PDSS1: variants seen among roughly 807,000 people sequenced by gnomAD.
The protein encoded by PDSS1 is decaprenyl diphosphate synthase subunit 1.
A neutral mutation model predicts 57.5 loss-of-function variants in PDSS1; 43 were observed. That is an observed-to-expected ratio of 0.75 (90% CI 0.59 to 0.96). The LOEUF (loss-of-function observed/expected upper bound fraction) is 0.96. PDSS1 is among the 50% of genes least tolerant of loss of function. The probability of loss-of-function intolerance (pLI) is 0.00; values close to 1 mark genes in which losing one functional copy is unlikely to be tolerated. For missense variants in PDSS1, 438 were observed against 527.8 expected, an observed-to-expected ratio of 0.83 and a Z score of 1.67; for synonymous variants, 175 against 191.3, an observed-to-expected ratio of 0.91 and a Z score of 0.70.
intron 5 of PDSS1, among the ~76,000 whole-genome samples, chr10:26,719,757 C>T (rs1835721059): frequency 6.6e-6 from 1 of 152,138 alleles, no homozygotes; most frequent in Admixed American, 6.6e-5. Flanking sequence ...CAGAGCGAGA[C>T]CCTGTCTCAA....
At chr10:26,746,288 C>T in intron 11 of PDSS1, 45 bp from the exon 12 acceptor site, 1 of 1,604,210 alleles carries the variant, frequency 6.2e-7, no homozygotes. Context: ...AACGCTGATT[C>T]AGTCAGTGAC....
intron 2 of PDSS1, among the ~76,000 whole-genome samples, chr10:26,703,307 A>G (rs1034073847): frequency 3.3e-5 from 5 of 151,222 alleles, no homozygotes; most frequent in Non-Finnish European, 7.4e-5. Flanking sequence ...CTGAATAACT[A>G]AAAAGTTATT....
chr10:26,735,487 T>C lies in PDSS1; in HGVS notation c.934T>C (p.Phe312Leu), dbSNP rs1280077774. 1.9e-6 allele frequency: 3 copies of C among 1,612,562 alleles called. No individual in the cohort carries two copies. The highest frequency in any genetic ancestry group is 2.5e-6 in the Non-Finnish European group (3 of 1,178,656). Residue 312 changes from phenylalanine (F) to leucine (L), a missense_variant, in exon 10 of 12, where the codon TTC becomes CTC. By Grantham distance (22) the Phe-to-Leu change is conservative. Coordinates refer to ENST00000376215, the MANE Select transcript of PDSS1 (RefSeq NM_014317.5). The stretch of plus-strand genomic sequence containing the variant: ...CCAGCTAATAGATGATGTATTGGAC[T>C]TCACCTCGTGTTCTGACCAGATGGG... ...AFQLIDDVLD[F>L]TSCSDQMGKP...
chr10:26,745,791 G>A (rs1004975630), intron 11 of PDSS1, among the ~76,000 whole-genome samples: 1 of 151,698 alleles, frequency 6.6e-6, no homozygotes, highest in African/African-American at 2.4e-5. Context: ...AGGTTGCAGT[G>A]AGCCAAGATC....
At chr10:26,715,297 G>A (rs1417056826) in intron 5 of PDSS1, 1 of 152,200 alleles carries the variant, frequency 6.6e-6, no homozygotes, top group African/African-American at 2.4e-5. Flanking sequence ...AAGAACCTCA[G>A]TGAGAGCAAG....
intron 6 of PDSS1, among the ~76,000 whole-genome samples, chr10:26,721,423 T>TATACAC (rs10645608): frequency 0.019 from 2,769 of 149,328 alleles, 38 homozygotes; most frequent in African/African-American, 0.04. Context: ...GATATATGTA[T>TATACAC]ACACACACAC....
rs568978232 is a variant in PDSS1, at chr10:26,746,766, T to G, written c.*293T>G. On this transcript the variant is annotated 3_prime_UTR_variant, in exon 12 of 12. Coordinates refer to ENST00000376215, the MANE Select transcript of PDSS1 (RefSeq NM_014317.5). ...TGTTAATATCCACATGTAAGGCCAT[T>G]ACACAAATAAATAACCAATGTTAAA... 1.0e-4 allele frequency: 44 copies of G among 425,690 alleles called. No individual in the cohort carries two copies. Among genetic ancestry groups the G allele is most frequent in the African/African-American group, 6.9e-4 (35 of 50,736 alleles). 26.4% of individuals were successfully genotyped at this position (425,690 alleles called of 1,614,324 possible).
chr10:26,728,439 G>A (rs930038354), intron 8 of PDSS1, among the ~76,000 whole-genome samples: 6 of 151,740 alleles, frequency 4.0e-5, no homozygotes, highest in Non-Finnish European at 2.9e-5. Flanking sequence ...GCAGTGAGCC[G>A]AGATTGCACC....
At chr10:26,742,355 T>C in intron 10 of PDSS1, 142 bp from the exon 11 acceptor site, 1 of 705,546 alleles carries the variant, frequency 1.4e-6, no homozygotes, top group Non-Finnish European at 2.5e-6. Context: ...CACAGTTTAC[T>C]GCTCCCCCAC....
At chr10:26,702,799 A>G (rs1372610263) in intron 2 of PDSS1, among the ~76,000 whole-genome samples, 1 of 152,212 alleles carries the variant, frequency 6.6e-6, no homozygotes, top group Non-Finnish European at 1.5e-5. Flanking sequence ...GCAGTGAGCT[A>G]TGATTGCACC....
chr10:26,731,478 C>T (rs138764312), intron 8 of PDSS1, among the ~76,000 whole-genome samples: 15 of 152,296 alleles, frequency 9.8e-5, no homozygotes, highest in Non-Finnish European at 2.2e-4. Context: ...CAATTACAAA[C>T]ACTACTGCAA....
chr10:26,735,683 G>C, intron 10 of PDSS1, 104 bp downstream of exon 10: 1 of 743,182 alleles, frequency 1.3e-6, no homozygotes, highest in Non-Finnish European at 2.5e-6. Flanking sequence ...TAGATGGGAA[G>C]GCATTCAGAT....
chr10:26,728,061 T>C (rs1162427528), intron 8 of PDSS1, among the ~76,000 whole-genome samples: 1 of 152,136 alleles, frequency 6.6e-6, no homozygotes, highest in Non-Finnish European at 1.5e-5. Flanking sequence ...ATCGCTTGAT[T>C]AGGATACTGT....
At chr10:26,744,222 A>G (rs938304497) in intron 11 of PDSS1, among the ~76,000 whole-genome samples, 1 of 152,204 alleles carries the variant, frequency 6.6e-6, no homozygotes, top group Non-Finnish European at 1.5e-5. Context: ...ATGAATAGCA[A>G]AGATACTGGA....
intron 8 of PDSS1, 109 bp downstream of exon 8, chr10:26,724,232 C>A: frequency 1.3e-6 from 1 of 777,476 alleles, no homozygotes; most frequent in Middle Eastern, 2.3e-4. Flanking sequence ...ACCCAAAAAT[C>A]CCAAGAGGTT....
chr10:26,718,262 C>T (rs557440651), intron 5 of PDSS1, among the ~76,000 whole-genome samples: 5 of 151,920 alleles, frequency 3.3e-5, no homozygotes, highest in Admixed American at 3.3e-4. Context: ...AGGCTGGTCT[C>T]GAACTCCTGA....
At chr10:26,744,837 T>C (rs1240584758) in intron 11 of PDSS1, among the ~76,000 whole-genome samples, 1 of 152,116 alleles carries the variant, frequency 6.6e-6, no homozygotes, top group African/African-American at 2.4e-5. Flanking sequence ...TCAGATGTAT[T>C]TCAACCACAA....
Position 26,712,911 on chromosome 10 carries a change from T to C in PDSS1, c.467+3143T>C, listed in dbSNP as rs990095318. Among the ~76,000 whole-genome samples the C allele has an allele frequency of 4.8e-4, 47 of 97,880 alleles. 16 individuals are homozygous for C. Among genetic ancestry groups the C allele is most frequent in the Non-Finnish European group, 9.2e-4 (39 of 42,400 alleles). The allele number at this position is 97,880 out of a possible 152,430, so 64.2% of individuals were successfully genotyped here. On this transcript the variant is annotated intron_variant, in intron 5 of 11. Coordinates refer to ENST00000376215, the MANE Select transcript of PDSS1 (RefSeq NM_014317.5). The stretch of plus-strand genomic sequence containing the variant: ...GGATACTGTTTTAAACCTTTGACAA[T>C]CAAAGTTTAATGGCTCTTAGGAGGC...
At chr10:26,721,775 G>A (rs1346687476) in intron 6 of PDSS1, among the ~76,000 whole-genome samples, 2 of 152,140 alleles carry the variant, frequency 1.3e-5, no homozygotes, top group Non-Finnish European at 2.9e-5. Context: ...GATGGTCTCC[G>A]CCTTGGCTAG....
Sources: allele counts gnomAD v4.1 joint callset (sites outside exome capture counted in the v4.1 genomes callset), GRCh38; gene constraint gnomAD v4.1.1; transcripts MANE v1.5; gene names NCBI Gene and HGNC (gene_info 2026-07-23, HGNC 2026-07-21).